DSCAM: variants seen among roughly 807,000 people sequenced by gnomAD.
DSCAM encodes DS cell adhesion molecule.
In DSCAM, 47 loss-of-function variants were observed where a neutral mutation model predicts 217.7. The observed-to-expected ratio is 0.22, with a 90% CI of 0.17 to 0.28. The LOEUF (loss-of-function observed/expected upper bound fraction) is 0.28, where lower values mean the gene tolerates loss of function less well. Ranked by LOEUF, DSCAM falls within the 10% of genes least tolerant of loss-of-function variation. DSCAM has a pLI of 1.00. For synonymous variants in DSCAM, 1,056 were observed against 1,015.3 expected, an observed-to-expected ratio of 1.04 and a Z score of -0.76; for missense variants, 2,080 against 2,618.3, an observed-to-expected ratio of 0.79 and a Z score of 4.49.
intron 3 of DSCAM, among the ~76,000 whole-genome samples, chr21:40,489,725 A>G (rs890031570): frequency 8.1e-6 from 1 of 123,334 alleles, no homozygotes; most frequent in Non-Finnish European, 1.6e-5. Context: ...CAGTGAGCCG[A>G]GATCCCGCCA....
intron 11 of DSCAM, among the ~76,000 whole-genome samples, chr21:40,224,889 G>A (rs2091317999): frequency 6.6e-6 from 1 of 152,168 alleles, no homozygotes; most frequent in Non-Finnish European, 1.5e-5. Context: ...TCCATGTTTT[G>A]TCCTAAATTG....
intron 6 of DSCAM, among the ~76,000 whole-genome samples, chr21:40,342,324 C>A (rs1392475749): frequency 6.6e-6 from 1 of 151,518 alleles, no homozygotes; most frequent in African/African-American, 2.4e-5. Context: ...ATATTTTATC[C>A]CAGTCTGTGG....
At position 40,538,865 on chromosome 21, in the gene DSCAM, A is replaced by G. The variant is rs528172998; in HGVS notation, c.508+153945T>C. Among the ~76,000 whole-genome samples, 6 of 152,334 alleles carry G rather than the reference A, an allele frequency of 3.9e-5. No homozygotes were observed. In the East Asian group the frequency reaches 1.2e-3, roughly 29 times the overall value. On this transcript the variant is annotated intron_variant, in intron 3 of 32. Transcript: ENST00000400454. ...TTTATTATTCGGGGTCTCAGACACA[A>G]TGAAGGGCAATACCTAGTTCTCTGG...
intron 11 of DSCAM, among the ~76,000 whole-genome samples, chr21:40,272,738 T>C (rs1334572339): frequency 6.6e-6 from 1 of 152,150 alleles, no homozygotes; most frequent in Non-Finnish European, 1.5e-5. Flanking sequence ...CCTGACATCA[T>C]CCAATTAGAC....
intron 32 of DSCAM, among the ~76,000 whole-genome samples, chr21:40,013,791 G>A (rs1296709697): frequency 2.0e-5 from 3 of 152,204 alleles, no homozygotes; most frequent in African/African-American, 7.2e-5. Context: ...TTTGAGGAGA[G>A]AGCCAGGGAC....
chr21:40,345,284 C>T (rs2074545593), intron 6 of DSCAM, among the ~76,000 whole-genome samples: 1 of 152,068 alleles, frequency 6.6e-6, no homozygotes, highest in Non-Finnish European at 1.5e-5. Context: ...GGTGCAGAGT[C>T]CTGTTTTTTG....
intron 1 of DSCAM, among the ~76,000 whole-genome samples, chr21:40,775,300 G>T (rs542060212): frequency 5.9e-4 from 89 of 152,136 alleles, no homozygotes; most frequent in Non-Finnish European, 1.1e-3. Context: ...GACCAGTAGT[G>T]ACTTAATGTG....
At chr21:40,813,987 G>A (rs2091860379) in intron 1 of DSCAM, among the ~76,000 whole-genome samples, 1 of 152,096 alleles carries the variant, frequency 6.6e-6, no homozygotes, top group African/African-American at 2.4e-5. Flanking sequence ...AGCTTTATGA[G>A]GGGTATGAGG....
At position 40,696,212 on chromosome 21, in the gene DSCAM, G is replaced by C. The variant is rs80259130; in HGVS notation, c.362-3256C>G. Among the ~76,000 whole-genome samples the C allele has an allele frequency of 6.9e-3, 1,056 of 152,074 alleles. 11 individuals carry two copies. The highest frequency in any genetic ancestry group is 0.024 in the African/African-American group (985 of 41,358). On this transcript the variant is annotated intron_variant, in intron 2 of 32. Coordinates refer to ENST00000400454, the MANE Select transcript of DSCAM (RefSeq NM_001389.5). Reference sequence around the variant, plus strand: ...AGAGCCCAGATCTTCTCAAAGCAGGGACAGCACTGTGGTGCTCTGAACCCC... The same window carrying C: ...AGAGCCCAGATCTTCTCAAAGCAGGCACAGCACTGTGGTGCTCTGAACCCC...
intron 15 of DSCAM, among the ~76,000 whole-genome samples, chr21:40,167,617 T>C (rs923424280): frequency 1.3e-5 from 2 of 152,188 alleles, no homozygotes; most frequent in Non-Finnish European, 2.9e-5. Flanking sequence ...TATGAAATGC[T>C]GTCTATGGTG....
intron 20 of DSCAM, among the ~76,000 whole-genome samples, chr21:40,105,820 A>G: frequency 6.6e-6 from 1 of 152,188 alleles, no homozygotes; most frequent in East Asian, 1.9e-4. Context: ...CACACAAAAA[A>G]CTGAGAAGAT....
chr21:40,205,564 T>C (rs560094075), intron 11 of DSCAM, among the ~76,000 whole-genome samples: 98 of 149,548 alleles, frequency 6.6e-4, no homozygotes, highest in South Asian at 2.7e-3. Flanking sequence ...GATTGCACCA[T>C]TGCACTCCAG....
At chr21:40,400,154 T>C (rs1601613904) in intron 3 of DSCAM, among the ~76,000 whole-genome samples, 2 of 152,154 alleles carry the variant, frequency 1.3e-5, no homozygotes, top group African/African-American at 4.8e-5. Flanking sequence ...TTCCAAATTA[T>C]TGGAGACCAT....
chr21:40,289,640 G>T (rs546437989), intron 10 of DSCAM, among the ~76,000 whole-genome samples: 3 of 152,170 alleles, frequency 2.0e-5, no homozygotes, highest in Admixed American at 6.5e-5. Flanking sequence ...TTTTATTCTA[G>T]TACTCATAAT....
intron 3 of DSCAM, among the ~76,000 whole-genome samples, chr21:40,691,106 G>A (rs1310989935): frequency 6.6e-6 from 1 of 152,128 alleles, no homozygotes; most frequent in Non-Finnish European, 1.5e-5. Context: ...AAATCCTCCT[G>A]GTAGATATTT....
chr21:40,691,388 A>G (rs1250734229), intron 3 of DSCAM, among the ~76,000 whole-genome samples: 1 of 152,192 alleles, frequency 6.6e-6, no homozygotes, highest in Admixed American at 6.5e-5. Flanking sequence ...TTGAAAAGGT[A>G]GCTCCCAATT....
intron 11 of DSCAM, among the ~76,000 whole-genome samples, chr21:40,261,377 G>T (rs2073447598): frequency 6.6e-6 from 1 of 152,174 alleles, no homozygotes; most frequent in African/African-American, 2.4e-5. Context: ...GAGTCAAACA[G>T]ATTGCCTTTT....
At chr21:40,511,672 A>G (rs34869366) in intron 3 of DSCAM, among the ~76,000 whole-genome samples, 3,401 of 152,144 alleles carry the variant, frequency 0.022, 49 homozygotes, top group Middle Eastern at 0.051. Flanking sequence ...CTGCCTATAC[A>G]TAAGTCACTC....
chr21:40,608,290 AT>A (rs746713688), intron 3 of DSCAM, among the ~76,000 whole-genome samples: 25 of 152,358 alleles, frequency 1.6e-4, no homozygotes, highest in Non-Finnish European at 3.5e-4. Context: ...AAAAATTAAT[AT>A]TTTGAAAATA....
Sources: gnomAD v4.1 joint callset for allele counts (sites outside exome capture counted in the v4.1 genomes callset) on GRCh38, gnomAD v4.1.1 for gene constraint, MANE v1.5 for transcripts, NCBI Gene and HGNC (gene_info 2026-07-23, HGNC 2026-07-21) for gene names.